MECR: variants seen among roughly 807,000 people sequenced by gnomAD.
The protein encoded by MECR is enoyl-[acyl-carrier-protein] reductase, mitochondrial.
In MECR, 37 loss-of-function variants were observed where a neutral mutation model predicts 49.1. The observed-to-expected ratio is 0.75, with a 90% confidence interval of 0.58 to 0.99. The LOEUF is 0.99. MECR is among the 50% of genes least tolerant of loss of function. The pLI is 0.00. For synonymous variants in MECR, 198 were observed against 191.1 expected (o/e 1.04, Z -0.30); for missense variants, 470 against 479.6 (o/e 0.98, Z 0.19).
intron 7 of MECR, among the ~76,000 whole-genome samples, chr1:29,197,438 C>T (rs1481041979): frequency 1.3e-5 from 2 of 152,192 alleles, no homozygotes; most frequent in Non-Finnish European, 2.9e-5. Flanking sequence ...GTCTGACACC[C>T]ACACCCCCAT....
chr1:29,172,263 T>A, the MECR span: 2 of 152,186 alleles, frequency 1.3e-5, no homozygotes, highest in Non-Finnish European at 2.9e-5. Context: ...AACTTCCTGA[T>A]TATTTTTCAC....
At chr1:29,202,722 G>A (rs1259010358) in intron 5 of MECR, among the ~76,000 whole-genome samples, 2 of 152,114 alleles carry the variant, frequency 1.3e-5, no homozygotes, top group Non-Finnish European at 2.9e-5. Flanking sequence ...TGTATTTAGC[G>A]CACTTCCAAG....
At chr1:29,189,661 AG>A (rs1673085917), downstream of MECR, among the ~76,000 whole-genome samples, 1 of 152,124 alleles carries the variant, frequency 6.6e-6, no homozygotes, top group African/African-American at 2.4e-5. Flanking sequence ...ATTTAGTGGA[AG>A]GGGGCGGGGT....
chr1:29,211,905 T>A (rs1228080879), intron 3 of MECR, among the ~76,000 whole-genome samples: 1 of 152,184 alleles, frequency 6.6e-6, no homozygotes, highest in African/African-American at 2.4e-5. Context: ...CCATGAAAAA[T>A]GACCAAGCTG....
At chr1:29,185,718 A>T in the MECR span, among the ~76,000 whole-genome samples, 1 of 152,218 alleles carries the variant, frequency 6.6e-6, no homozygotes, top group Non-Finnish European at 1.5e-5. Context: ...CCCGGCCATA[A>T]TCTTTAATTC....
the MECR span, chr1:29,170,017 A>G: frequency 1.3e-5 from 2 of 152,246 alleles, no homozygotes; most frequent in Non-Finnish European, 2.9e-5. Context: ...TAGTTTGTGG[A>G]TCAAACTATC....
chr1:29,215,332 C>A (rs1299674201), intron 3 of MECR, among the ~76,000 whole-genome samples: 1 of 152,174 alleles, frequency 6.6e-6, no homozygotes, highest in Non-Finnish European at 1.5e-5. Flanking sequence ...GTAATCCCAG[C>A]ACTTTGGGAG....
rs1404826114 is a variant in MECR at position 29,201,170 on chromosome 1, A to G, written c.757-581T>C. 6.6e-6 allele frequency among the ~76,000 whole-genome samples: 1 copy of G among 152,212 alleles called. No homozygotes were observed. Among genetic ancestry groups the G allele is most frequent in the Non-Finnish European group, 1.5e-5 (1 of 68,040 alleles). ...CTGGCAGAACTCATCTTCTCTGGGA[A>G]AGAATAGGCAAAGGGCATCTGCATG... On this transcript the variant is annotated intron_variant, in intron 6 of 9. Coordinates refer to ENST00000263702, the MANE Select transcript of MECR (RefSeq NM_016011.5). This position sits in a 1 kb window ranked among gnomAD's most constrained non-coding sequence, Gnocchi z 4.3.
chr1:29,189,577 C>T (rs1178856335), downstream of MECR, among the ~76,000 whole-genome samples: 1 of 152,164 alleles, frequency 6.6e-6, no homozygotes, highest in Non-Finnish European at 1.5e-5. Context: ...ATTTTAAGTC[C>T]AATTCTCTTT....
At chr1:29,202,478 G>A (rs1675550385) in intron 5 of MECR, among the ~76,000 whole-genome samples, 1 of 152,190 alleles carries the variant, frequency 6.6e-6, no homozygotes, top group Non-Finnish European at 1.5e-5. Context: ...GAGTACAACT[G>A]AGGAACTGAA....
At chr1:29,191,330 G>GTC (rs1289467999), downstream of MECR, among the ~76,000 whole-genome samples, 1 of 151,714 alleles carries the variant, frequency 6.6e-6, no homozygotes, top group Non-Finnish European at 1.5e-5. Context: ...TTGAGACAGA[G>GTC]TCTCTCTCTC....
At chr1:29,227,364 GCA>G (rs1682362558) in intron 1 of MECR, among the ~76,000 whole-genome samples, 1 of 152,116 alleles carries the variant, frequency 6.6e-6, no homozygotes, top group Admixed American at 6.5e-5. Flanking sequence ...TCATTCTTCT[GCA>G]CAGTCTTACT....
At chr1:29,182,020 G>C in the MECR span, 5 of 319,002 alleles carry the variant, frequency 1.6e-5, no homozygotes, top group Non-Finnish European at 2.8e-5. Flanking sequence ...CCGGGGGCGC[G>C]CCGACGTGCG....
chr1:29,180,136 C>T, the MECR span, among the ~76,000 whole-genome samples: 4 of 152,228 alleles, frequency 2.6e-5, no homozygotes, highest in African/African-American at 4.8e-5. Context: ...AGAGAAGTAA[C>T]TTGCCCATAC....
chr1:29,196,323 C>A, intron 7 of MECR, 65 bp from the exon 8 acceptor site: 1 of 1,416,864 alleles, frequency 7.1e-7, no homozygotes, highest in South Asian at 1.3e-5. Context: ...CTGAACCTGC[C>A]ATGGCGCTTC....
chr1:29,184,802 G>A, the MECR span, among the ~76,000 whole-genome samples: 1 of 151,870 alleles, frequency 6.6e-6, no homozygotes, highest in Non-Finnish European at 1.5e-5. Context: ...TAGAGATGGA[G>A]TCTCGTTGTT....
chr1:29,199,999 G>C (rs1674937156), intron 7 of MECR, among the ~76,000 whole-genome samples: 1 of 151,932 alleles, frequency 6.6e-6, no homozygotes, highest in Non-Finnish European at 1.5e-5. Context: ...GGCCTCAAGT[G>C]ATGCTTCCTC....
chr1:29,215,870 T>C, intron 3 of MECR, 135 bp downstream of exon 3: 1 of 1,116,456 alleles, frequency 9.0e-7, no homozygotes, highest in Non-Finnish European at 1.2e-6. Context: ...AAACTCCGTC[T>C]CAAAATAAAT....
At position 29,221,413 on chromosome 1, in the gene MECR, T is replaced by C. The variant is rs533404317; in HGVS notation, c.177-4728A>G. Among the ~76,000 whole-genome samples, 203 of 151,988 alleles carry C rather than the reference T, an allele frequency of 1.3e-3. 1 individual carries two copies. Among genetic ancestry groups the C allele is most frequent in the Non-Finnish European group, 2.0e-3 (133 of 68,008 alleles). ...CCATAGTTTGAAGGATAAATAGGCATTTACAGGGCGGATGGAGAAAAGACA... is the reference window on the plus strand; with the variant it reads ...CCATAGTTTGAAGGATAAATAGGCACTTACAGGGCGGATGGAGAAAAGACA... On this transcript the variant is annotated intron_variant, in intron 1 of 9. Coordinates refer to ENST00000263702, the MANE Select transcript of MECR (RefSeq NM_016011.5).
Sources: allele counts gnomAD v4.1 joint callset (sites outside exome capture counted in the v4.1 genomes callset), GRCh38; gene constraint gnomAD v4.1.1; non-coding constraint Gnocchi (gnomAD v3.1); transcripts MANE v1.5; gene names NCBI Gene and HGNC (gene_info 2026-07-23, HGNC 2026-07-21).